The following AGFG1 variants were observed in gnomAD, a reference collection of about 807,000 sequenced individuals.
AGFG1 encodes the protein arf-GAP domain and FG repeat-containing protein 1.
In AGFG1, 10 loss-of-function variants were observed where a neutral mutation model predicts 60.6. That is an observed-to-expected ratio of 0.16 (90% CI 0.10 to 0.28). The LOEUF (loss-of-function observed/expected upper bound fraction) is 0.28, where lower values mean the gene tolerates loss of function less well. AGFG1 is among the 10% of genes least tolerant of loss of function. The pLI, the probability that AGFG1 is intolerant of heterozygous loss-of-function variation, is 1.00. For synonymous variants in AGFG1, 247 were observed against 242.9 expected (o/e 1.02, Z -0.16); for missense variants, 537 against 676.5 (o/e 0.79, Z 2.29).
intron 5 of AGFG1, among the ~76,000 whole-genome samples, chr2:227,528,419 C>G (rs971649136): frequency 5.3e-5 from 8 of 152,090 alleles, no homozygotes; most frequent in Admixed American, 4.6e-4. Flanking sequence ...ACCTCTTTCC[C>G]CGTAACCCTC....
At chr2:227,538,238 A>AT (rs1156547164) in intron 10 of AGFG1, among the ~76,000 whole-genome samples, 1 of 152,204 alleles carries the variant, frequency 6.6e-6, no homozygotes, top group Non-Finnish European at 1.5e-5. Context: ...CTGTCATCAA[A>AT]TAAATATTTT....
At chr2:227,512,800 T>A (rs1158338357) in intron 2 of AGFG1, among the ~76,000 whole-genome samples, 1 of 152,236 alleles carries the variant, frequency 6.6e-6, no homozygotes, top group African/African-American at 2.4e-5. Context: ...TATTAAGTGC[T>A]GTGATTATAT....
At chr2:227,502,395 A>C (rs772334403) in intron 2 of AGFG1, among the ~76,000 whole-genome samples, 1 of 152,126 alleles carries the variant, frequency 6.6e-6, no homozygotes, top group African/African-American at 2.4e-5. Context: ...ATCTTGGCTC[A>C]CTGCAACCTC....
intron 12 of AGFG1, 69 bp from the exon 13 acceptor site, chr2:227,554,367 T>G: frequency 3.1e-6 from 4 of 1,286,310 alleles, no homozygotes; most frequent in Non-Finnish European, 4.4e-6. Context: ...AAATTCAGTT[T>G]AATGTTTTTA....
chr2:227,549,405 A>G (rs1301697969), intron 10 of AGFG1, among the ~76,000 whole-genome samples: 2 of 152,230 alleles, frequency 1.3e-5, no homozygotes, highest in Non-Finnish European at 2.9e-5. Flanking sequence ...TATTAACTTT[A>G]TATGTAACCT....
chr2:227,485,969 A>G (rs1690621160), intron 1 of AGFG1, among the ~76,000 whole-genome samples: 1 of 152,200 alleles, frequency 6.6e-6, no homozygotes, highest in Non-Finnish European at 1.5e-5. Flanking sequence ...CTGCAGCCTC[A>G]TATTTTATTG....
chr2:227,520,865 A>G (rs990446594), intron 3 of AGFG1, among the ~76,000 whole-genome samples: 1 of 152,146 alleles, frequency 6.6e-6, no homozygotes, highest in African/African-American at 2.4e-5. Context: ...GGAATAAATA[A>G]TGGGGAAGTA....
chr2:227,492,154 A>C (rs974224783), intron 2 of AGFG1, among the ~76,000 whole-genome samples: 3 of 152,016 alleles, frequency 2.0e-5, no homozygotes, highest in Non-Finnish European at 2.9e-5. Context: ...GATGGTATAA[A>C]GATTTGGATG....
At chr2:227,472,633 G>T (rs753849515) in intron 1 of AGFG1, 45 bp downstream of exon 1, 10 of 1,539,352 alleles carry the variant, frequency 6.5e-6, no homozygotes, top group African/African-American at 2.9e-5. Context: ...TTCCCGGGAG[G>T]TGGGGGAGCG....
At chr2:227,536,823 A>G in intron 9 of AGFG1, 78 bp from the exon 10 acceptor site, 12 of 1,545,222 alleles carry the variant, frequency 7.8e-6, no homozygotes, top group Non-Finnish European at 8.0e-6. Context: ...TTCTGTCTTG[A>G]TAAATATAGT....
rs1693112255 is a variant in AGFG1, at chr2:227,560,679, T to A, written c.*6184T>A. ...ATTTTTAAGAAGAGAAAGTGGAAAT[T>A]AACTGTGGCAAAACCTATTTTGGCA... On this transcript the variant is annotated 3_prime_UTR_variant, in exon 13 of 13. Transcript: ENST00000310078. 6.6e-6 allele frequency: 1 copy of A among 152,178 alleles called. No individual in the cohort carries two copies. Among genetic ancestry groups the A allele is most frequent in the Admixed American group, 6.5e-5 (1 of 15,286 alleles). 9.4% of individuals were successfully genotyped at this position (152,178 alleles called of 1,614,324 possible). A position where few individuals can be genotyped will look rare whatever the true frequency, so the allele number is the denominator to read the frequency against.
intron 2 of AGFG1, among the ~76,000 whole-genome samples, chr2:227,512,896 T>C (rs761765587): frequency 1.3e-5 from 2 of 152,226 alleles, no homozygotes; most frequent in Admixed American, 6.5e-5. Context: ...GTATGAAATC[T>C]AGTTGGATGT....
At chr2:227,548,669 G>T (rs4972890) in intron 10 of AGFG1, among the ~76,000 whole-genome samples, 91,795 of 152,042 alleles carry the variant, frequency 0.6, 27,745 homozygotes, top group South Asian at 0.7. Context: ...CGGGTGCAGT[G>T]GCTCACGCCT....
intron 2 of AGFG1, among the ~76,000 whole-genome samples, chr2:227,502,125 G>A (rs1575078320): frequency 6.6e-6 from 1 of 151,052 alleles, no homozygotes; most frequent in Non-Finnish European, 1.5e-5. Context: ...CCCAAAGTGC[G>A]AGGATTACAG....
chr2:227,508,611 T>C (rs1187056542), intron 2 of AGFG1: 1 of 470,968 alleles, frequency 2.1e-6, no homozygotes, highest in Admixed American at 2.3e-5. Context: ...TCATAATATC[T>C]TTGGGAGTGA....
intron 2 of AGFG1, among the ~76,000 whole-genome samples, chr2:227,492,750 T>A (rs1383516170): frequency 2.0e-5 from 3 of 152,128 alleles, no homozygotes; most frequent in Admixed American, 2.0e-4. Context: ...CAAATTATTT[T>A]GAGTATTCAG....
chr2:227,541,582 G>C (rs1692493534), intron 10 of AGFG1, among the ~76,000 whole-genome samples: 1 of 152,210 alleles, frequency 6.6e-6, no homozygotes, highest in East Asian at 1.9e-4. Context: ...GTACCATGCT[G>C]TTTTGGTTAC....
intron 1 of AGFG1, among the ~76,000 whole-genome samples, chr2:227,475,464 G>A (rs1364979423): frequency 6.6e-6 from 1 of 152,192 alleles, no homozygotes; most frequent in Non-Finnish European, 1.5e-5. Flanking sequence ...ACCATCAAAT[G>A]TCTACTGCAG....
chr2:227,502,699 G>A (rs2106184336), intron 2 of AGFG1, among the ~76,000 whole-genome samples: 1 of 152,174 alleles, frequency 6.6e-6, no homozygotes, highest in African/African-American at 2.4e-5. Flanking sequence ...TTAGTTTTTT[G>A]TTTTATAGTG....
Sources: gnomAD v4.1 joint callset for allele counts (sites outside exome capture counted in the v4.1 genomes callset) on GRCh38, gnomAD v4.1.1 for gene constraint, MANE v1.5 for transcripts, NCBI Gene and HGNC (gene_info 2026-07-23, HGNC 2026-07-21) for gene names.